Variants in TMEM276 observed in about 807,000 individuals in gnomAD.
The protein encoded by TMEM276 is transmembrane protein 276.
At chr8:144,466,527 G>T in the TMEM276 span, 1 of 1,238,614 alleles carries the variant, frequency 8.1e-7, no homozygotes, top group South Asian at 2.5e-5. Context: ...AGGTGAGCGG[G>T]GCTGGCCGTG....
the TMEM276 span, chr8:144,464,344 A>G: frequency 1.2e-6 from 2 of 1,611,848 alleles, no homozygotes. Flanking sequence ...TGCGACCACC[A>G]ACAGCATTGC....
At chr8:144,465,203 C>A in the TMEM276 span, 1 of 1,265,152 alleles carries the variant, frequency 7.9e-7, no homozygotes, top group Non-Finnish European at 1.0e-6. Flanking sequence ...AGTGGGAGTG[C>A]GGGCCTGGGG....
At chr8:144,466,898 G>A in the TMEM276 span, 3 of 1,549,928 alleles carry the variant, frequency 1.9e-6, no homozygotes, top group Non-Finnish European at 2.6e-6. Context: ...CCAGGGAGGG[G>A]CGGAGGCCTG....
chr8:144,464,276 C>T, the TMEM276 span: 53 of 1,605,194 alleles, frequency 3.3e-5, no homozygotes, highest in East Asian at 9.6e-4. Flanking sequence ...CCCAGCATCG[C>T]CCCCCCCCAC....
the TMEM276 span, chr8:144,464,889 G>C: frequency 4.3e-6 from 7 of 1,611,920 alleles, no homozygotes; most frequent in Non-Finnish European, 5.9e-6. Flanking sequence ...TCGGCCCCCG[G>C]CTTGGGGGCC....
the TMEM276 span, chr8:144,466,861 G>A: frequency 8.5e-6 from 13 of 1,536,442 alleles, no homozygotes; most frequent in South Asian, 7.1e-5. Context: ...TGGGAGTCCC[G>A]CGGTGCGAGG....
the TMEM276 span, chr8:144,464,592 A>G: frequency 6.2e-7 from 1 of 1,609,312 alleles, no homozygotes; most frequent in East Asian, 2.2e-5. Context: ...GCAGGAAGCC[A>G]GCAGCAGCCC....
the TMEM276 span, chr8:144,464,488 A>G: frequency 6.2e-7 from 1 of 1,612,388 alleles, no homozygotes; most frequent in Non-Finnish European, 8.5e-7. Flanking sequence ...CAGAAGGGGA[A>G]GGCCGATGAC....
chr8:144,464,730 TC>T, the TMEM276 span: 1 of 439,250 alleles, frequency 2.3e-6, no homozygotes, highest in South Asian at 5.3e-5. Context: ...CCCACCAACC[TC>T]TCTCTAATTC....
chr8:144,466,932 T>C, the TMEM276 span: 2 of 1,579,958 alleles, frequency 1.3e-6, no homozygotes, highest in Non-Finnish European at 1.7e-6. Flanking sequence ...ACCCGAAATG[T>C]CTCCCGCCCT....
the TMEM276 span, chr8:144,464,728 CCT>C: frequency 1.2e-3 from 1,962 of 1,595,288 alleles, 16 homozygotes; most frequent in African/African-American, 0.024. Flanking sequence ...TTCCCACCAA[CCT>C]CTCTCTAATT....
the TMEM276 span, chr8:144,464,765 G>C: frequency 4.4e-6 from 7 of 1,608,480 alleles, no homozygotes; most frequent in Non-Finnish European, 5.9e-6. Context: ...CTTGGGGTTT[G>C]GGAGGTATGG....
chr8:144,464,010 A>C, the TMEM276 span: 1 of 1,522,162 alleles, frequency 6.6e-7, no homozygotes, highest in South Asian at 1.3e-5. Flanking sequence ...GTCAATGTGC[A>C]GCAAACCCAC....
the TMEM276 span, chr8:144,466,759 G>A: frequency 6.5e-7 from 1 of 1,530,060 alleles, no homozygotes; most frequent in East Asian, 2.5e-5. Flanking sequence ...CCCCTCCCTA[G>A]AGAGCCCGCA....
chr8:144,467,006 G>A, the TMEM276 span: 41 of 1,595,340 alleles, frequency 2.6e-5, no homozygotes, highest in Non-Finnish European at 3.3e-5. Context: ...CGAGGGCCGC[G>A]CGGCCGCGGT....
chr8:144,466,511 C>T, the TMEM276 span: 1 of 1,289,520 alleles, frequency 7.8e-7, no homozygotes, highest in Non-Finnish European at 9.9e-7. Context: ...CCCGGGGACC[C>T]CGCCCAGGTG....
At chr8:144,464,162 G>A in the TMEM276 span, 14 of 1,612,830 alleles carry the variant, frequency 8.7e-6, no homozygotes, top group East Asian at 1.1e-4. Flanking sequence ...TGCAGGGCCC[G>A]GCAGTAAGCC....
chr8:144,466,726 C>CT, the TMEM276 span: 7 of 1,483,124 alleles, frequency 4.7e-6, no homozygotes, highest in Non-Finnish European at 6.3e-6. Context: ...GCTGCCTGCC[C>CT]CCCTCCTCAG....
the TMEM276 span, chr8:144,465,115 T>A: frequency 1.4e-6 from 2 of 1,464,094 alleles, no homozygotes; most frequent in Non-Finnish European, 1.8e-6. Context: ...AAGAAGAACC[T>A]AATTCAGCCG....
Sources: allele counts gnomAD v4.1 joint callset, GRCh38; gene constraint gnomAD v4.1.1; transcripts MANE v1.5; gene names NCBI Gene and HGNC (gene_info 2026-07-23, HGNC 2026-07-21).